The following ZNF736 variants were observed in gnomAD, a reference collection of about 807,000 sequenced individuals.
ZNF736 encodes the protein KRAB-containing zinc-finger repressor protein.
In ZNF736, 6 loss-of-function variants were observed where a neutral mutation model predicts 11.7. The ratio of observed to expected loss-of-function variants is 0.51; its 90% CI spans 0.28 to 1.01. ZNF736 has a LOEUF of 1.01. ZNF736 is among the 50% of genes least tolerant of loss of function. The probability of loss-of-function intolerance (pLI) is 0.09; values close to 1 mark genes in which losing one functional copy is unlikely to be tolerated. For synonymous variants in ZNF736, 139 were observed against 164.7 expected (o/e 0.84, Z 1.19); for missense variants, 444 against 496.0 (o/e 0.90, Z 1.00).
chr7:64,350,478 G>C lies in ZNF736; in HGVS notation c.*1331G>C, dbSNP rs1316613584. On this transcript the variant is annotated 3_prime_UTR_variant, in exon 4 of 4. Coordinates refer to ENST00000423484, the MANE Select transcript of ZNF736 (RefSeq NM_001170905.3). Reference sequence around the variant, plus strand: ...CAATTTTTTTTCCTCCCTTGCATTGGGTTGCAAATTACTTTTGTAACTCAG... The same window carrying C: ...CAATTTTTTTTCCTCCCTTGCATTGCGTTGCAAATTACTTTTGTAACTCAG... 1 of 151,860 alleles carries C rather than the reference G, an allele frequency of 6.6e-6. No individual in the cohort carries two copies. The highest frequency in any genetic ancestry group is 1.9e-4 in the East Asian group (1 of 5,170). 9.4% of individuals were successfully genotyped at this position (151,860 alleles called of 1,614,324 possible).
At chr7:64,333,299 A>G (rs1789197358) in intron 1 of ZNF736, among the ~76,000 whole-genome samples, 1 of 152,126 alleles carries the variant, frequency 6.6e-6, no homozygotes, top group African/African-American at 2.4e-5. Context: ...CTTTTTCCTT[A>G]TATACCAGAG....
At chr7:64,319,772 G>A (rs9647804) in intron 1 of ZNF736, among the ~76,000 whole-genome samples, 13,548 of 151,420 alleles carry the variant, frequency 0.089, 974 homozygotes, top group African/African-American at 0.19. Flanking sequence ...GGGATTGCAG[G>A]TGTGAGCCAC....
rs1789493048 is a variant in ZNF736 at position 64,351,849 on chromosome 7, G to A, written c.*2702G>A. 1 of 152,202 alleles carries A rather than the reference G, an allele frequency of 6.6e-6. No homozygotes were observed. Among genetic ancestry groups the A allele is most frequent in the Non-Finnish European group, 1.5e-5 (1 of 68,070 alleles). The allele number at this position is 152,202 out of a possible 1,614,324, so 9.4% of individuals were successfully genotyped here. ...CCCAGGATGGAAGATCTTTACTTTT[G>A]GCCAAGTTAGGGGTTTACTGTCTGC... On this transcript the variant is annotated 3_prime_UTR_variant, in exon 4 of 4. Coordinates refer to ENST00000423484, the MANE Select transcript of ZNF736 (RefSeq NM_001170905.3).
chr7:64,348,454 A>G lies in ZNF736; in HGVS notation c.591A>G (p.Val197=). Residue 197 remains valine (V), a synonymous_variant, in exon 4 of 4, where the codon GTA becomes GTG. Coordinates refer to ENST00000423484, the MANE Select transcript of ZNF736 (RefSeq NM_001170905.3). ...DFTRHKKIHT[V]ERCYKCEECG... ...CTAGACATAAGAAAATTCATACTGTAGAGAGATGCTACAAATGTGAAGAAT... is the reference window on the plus strand; with the variant it reads ...CTAGACATAAGAAAATTCATACTGTGGAGAGATGCTACAAATGTGAAGAAT... 1 of 1,546,904 alleles carries G rather than the reference A, an allele frequency of 6.5e-7. No individual in the cohort carries two copies.
In ZNF736 at chr7:64,323,493, G is replaced by A. The variant is rs890124072; in HGVS notation, c.3+9340G>A. Among the ~76,000 whole-genome samples, 6 of 152,156 alleles carry A rather than the reference G, an allele frequency of 3.9e-5. No individual in the cohort carries two copies. The East Asian group carries it at 5.8e-4, about 15-fold the overall frequency. The stretch of plus-strand genomic sequence containing the variant: ...CAAAGACATGGAATTAACCCACATT[G>A]CTTTCAACAGTAGACTGGATAAAGA... On this transcript the variant is annotated intron_variant, in intron 1 of 3. Coordinates refer to ENST00000423484, the MANE Select transcript of ZNF736 (RefSeq NM_001170905.3).
intron 1 of ZNF736, among the ~76,000 whole-genome samples, chr7:64,333,206 C>T (rs541206428): frequency 3.9e-5 from 6 of 152,336 alleles, no homozygotes; most frequent in Admixed American, 2.6e-4. Flanking sequence ...TCCCGCAACA[C>T]GCTACTTGTG....
intron 1 of ZNF736, among the ~76,000 whole-genome samples, chr7:64,334,868 A>G (rs986111997): frequency 7.2e-5 from 11 of 152,200 alleles, no homozygotes; most frequent in African/African-American, 2.7e-4. Flanking sequence ...TTACAATAGC[A>G]AAGACTTGCA....
At chr7:64,323,161 C>T (rs1789025502) in intron 1 of ZNF736, among the ~76,000 whole-genome samples, 2 of 152,144 alleles carry the variant, frequency 1.3e-5, no homozygotes, top group South Asian at 2.1e-4. Flanking sequence ...ACATTTTCCT[C>T]GAAACATGTA....
At chr7:64,338,391 C>T (rs1381627537) in intron 3 of ZNF736, among the ~76,000 whole-genome samples, 1 of 152,184 alleles carries the variant, frequency 6.6e-6, no homozygotes, top group Non-Finnish European at 1.5e-5. Context: ...AGCAAATTTT[C>T]AGCATACATA....
chr7:64,328,536 G>A (rs149387685), intron 1 of ZNF736, among the ~76,000 whole-genome samples: 5,226 of 152,156 alleles, frequency 0.034, 182 homozygotes, highest in East Asian at 0.17. Context: ...TGAGGTGGGC[G>A]GATCACAAGG....
chr7:64,334,211 A>G (rs1051013340), intron 1 of ZNF736, among the ~76,000 whole-genome samples: 4 of 152,230 alleles, frequency 2.6e-5, no homozygotes, highest in Non-Finnish European at 5.9e-5. Flanking sequence ...AAACCTAGGT[A>G]ATACCATTTA....
Position 64,351,838 on chromosome 7 carries a change from T to A in ZNF736, c.*2691T>A, listed in dbSNP as rs186379763. On this transcript the variant is annotated 3_prime_UTR_variant, in exon 4 of 4. Coordinates refer to ENST00000423484, the MANE Select transcript of ZNF736 (RefSeq NM_001170905.3). ...AGTGCAGCCAGCCCAGGATGGAAGA[T>A]CTTTACTTTTGGCCAAGTTAGGGGT... 86 of 152,308 alleles carry A rather than the reference T, an allele frequency of 5.6e-4. No individual in the cohort carries two copies. The highest frequency in any genetic ancestry group is 1.9e-3 in the African/African-American group (79 of 41,560). 9.4% of individuals were successfully genotyped at this position (152,308 alleles called of 1,614,324 possible).
intron 3 of ZNF736, among the ~76,000 whole-genome samples, chr7:64,340,695 CCACCATGTCTGT>C: frequency 6.6e-6 from 1 of 152,248 alleles, no homozygotes; most frequent in African/African-American, 2.4e-5. Flanking sequence ...CAGGTGTGAA[CCACCATGTCTGT>C]CAACATAATG....
chr7:64,331,846 C>G (rs1250299752), intron 1 of ZNF736, among the ~76,000 whole-genome samples: 2 of 152,114 alleles, frequency 1.3e-5, no homozygotes, highest in African/African-American at 4.8e-5. Context: ...TTTCTGGCAT[C>G]TGTGGCAGAG....
chr7:64,314,284 C>A, intron 1 of ZNF736, 131 bp downstream of exon 1: 2 of 1,170,012 alleles, frequency 1.7e-6, no homozygotes, highest in Non-Finnish European at 2.4e-6. Context: ...CCCGCGGGCA[C>A]AGCTCAATCC....
intron 1 of ZNF736, among the ~76,000 whole-genome samples, chr7:64,316,784 A>G (rs1180335250): frequency 6.6e-6 from 1 of 152,238 alleles, no homozygotes; most frequent in Non-Finnish European, 1.5e-5. Context: ...GATTTTAGAA[A>G]AAAATAGTTT....
rs1789521888 is a variant in ZNF736 at position 64,353,841 on chromosome 7, T to C, written c.*4694T>C. The C allele has an allele frequency of 6.6e-6, 1 of 152,234 alleles. No homozygotes were observed. Among genetic ancestry groups the C allele is most frequent in the Admixed American group, 6.5e-5 (1 of 15,282 alleles). The allele number at this position is 152,234 out of a possible 1,614,324, so 9.4% of individuals were successfully genotyped here. A position where few individuals can be genotyped will look rare whatever the true frequency, so the allele number is the denominator to read the frequency against. Reference sequence around the variant, plus strand: ...CATTTGCAAATTAAGGTAATTAAAATACAGTGAATTTCAAAATGCCTTTTT... The same window carrying C: ...CATTTGCAAATTAAGGTAATTAAAACACAGTGAATTTCAAAATGCCTTTTT... On this transcript the variant is annotated 3_prime_UTR_variant, in exon 4 of 4. Transcript: ENST00000423484.
At position 64,314,010 on chromosome 7, in the gene ZNF736, G is replaced by A. The variant is rs1260277457; in HGVS notation, c.-141G>A. ...CTTTGTCTCCTAGCTTCCGGGCTCT[G>A]ATCCTAGTTCGCGTCTCCACTGTTC... is the stretch of plus-strand genomic sequence containing the variant. On this transcript the variant is annotated 5_prime_UTR_variant, in exon 1 of 4. Coordinates refer to ENST00000423484, the MANE Select transcript of ZNF736 (RefSeq NM_001170905.3). 4 of 1,194,994 alleles carry A rather than the reference G, an allele frequency of 3.3e-6. No homozygotes were observed. Among genetic ancestry groups the A allele is most frequent in the East Asian group, 2.6e-5 (1 of 39,056 alleles). 74.0% of individuals were successfully genotyped at this position (1,194,994 alleles called of 1,614,324 possible).
rs547335629 is a variant in ZNF736, at chr7:64,348,411, G to A, written c.548G>A (p.Arg183Lys). The A allele has an allele frequency of 6.4e-7, 1 of 1,550,544 alleles. No homozygotes were observed. Among genetic ancestry groups the A allele is most frequent in the African/African-American group, 1.4e-5 (1 of 73,118 alleles). The part of the protein sequence containing the change: ...HKCEECGKDC[R>K]LFSDFTRHKK... ...TGTGAAGAATGTGGCAAAGACTGTA[G>A]GTTGTTCTCAGATTTTACTAGACAT... is the stretch of plus-strand genomic sequence containing the variant. The change falls in exon 4 of 4, where the codon AGG becomes AAG. Residue 183 changes from arginine to lysine, a missense_variant. Coordinates refer to ENST00000423484, the MANE Select transcript of ZNF736 (RefSeq NM_001170905.3).
Sources: gnomAD v4.1 joint callset for allele counts (sites outside exome capture counted in the v4.1 genomes callset) on GRCh38, gnomAD v4.1.1 for gene constraint, MANE v1.5 for transcripts, NCBI Gene and HGNC (gene_info 2026-07-23, HGNC 2026-07-21) for gene names.